DNAH11: variants seen among roughly 807,000 people sequenced by gnomAD.
DNAH11 encodes the protein dynein axonemal heavy chain 11.
In DNAH11, 442 loss-of-function variants were observed where a neutral mutation model predicts 526.0. That is an observed-to-expected ratio of 0.84 (90% CI 0.78 to 0.91). DNAH11 has a LOEUF of 0.91. Among genes scored for constraint, DNAH11 ranks in the 40% least tolerant of loss-of-function variants. The pLI, the probability that DNAH11 is intolerant of heterozygous loss-of-function variation, is 0.00. For missense variants in DNAH11, 6,989 were observed against 5,448.7 expected, an observed-to-expected ratio of 1.28 and a Z score of -8.90; for synonymous variants, 2,461 against 1,935.9, an observed-to-expected ratio of 1.27 and a Z score of -7.12.
chr7:21,603,607 G>C (rs147614592), intron 18 of DNAH11, among the ~76,000 whole-genome samples: 1 of 152,268 alleles, frequency 6.6e-6, no homozygotes, highest in East Asian at 1.9e-4. Context: ...TATATGAATT[G>C]TTAAATTCTA....
chr7:21,620,671 G>A (rs56289460), intron 25 of DNAH11, among the ~76,000 whole-genome samples: 2,128 of 149,436 alleles, frequency 0.014, 31 homozygotes, highest in Non-Finnish European at 0.024. Flanking sequence ...CCATTAACTC[G>A]TCATTTAGCA....
intron 76 of DNAH11, among the ~76,000 whole-genome samples, chr7:21,888,048 G>A (rs1022972003): frequency 6.6e-6 from 1 of 152,128 alleles, no homozygotes; most frequent in African/African-American, 2.4e-5. Flanking sequence ...CGGGCAATAC[G>A]GGAGACCAGA....
chr7:21,792,545 CTT>C (rs139893028), intron 61 of DNAH11, among the ~76,000 whole-genome samples: 1,614 of 152,166 alleles, frequency 0.011, 23 homozygotes, highest in African/African-American at 0.037. Context: ...TTGATGGAGA[CTT>C]TTTATTATTG....
At chr7:21,884,948 G>T (rs919610847) in intron 76 of DNAH11, among the ~76,000 whole-genome samples, 1 of 151,928 alleles carries the variant, frequency 6.6e-6, no homozygotes, top group Non-Finnish European at 1.5e-5. Flanking sequence ...GAAAAATGTG[G>T]TCAATATGTA....
chr7:21,693,290 A>C (rs1783706567), intron 35 of DNAH11, among the ~76,000 whole-genome samples: 1 of 152,236 alleles, frequency 6.6e-6, no homozygotes, highest in Admixed American at 6.5e-5. Flanking sequence ...AATGCTAAAC[A>C]GTCCTTCGGT....
intron 63 of DNAH11, among the ~76,000 whole-genome samples, chr7:21,815,436 C>G (rs1191147077): frequency 6.6e-6 from 1 of 152,136 alleles, no homozygotes; most frequent in Non-Finnish European, 1.5e-5. Context: ...GAATATTGTG[C>G]TACTTTTCCT....
chr7:21,722,515 A>G (rs1040038280), intron 44 of DNAH11, among the ~76,000 whole-genome samples: 6 of 152,206 alleles, frequency 3.9e-5, no homozygotes, highest in African/African-American at 7.2e-5. Context: ...AATGGTTGAT[A>G]TAATCTGTTG....
intron 1 of DNAH11, 30 bp from the exon 2 acceptor site, chr7:21,544,976 C>T: frequency 6.5e-7 from 1 of 1,534,904 alleles, no homozygotes; most frequent in Non-Finnish European, 8.8e-7. Flanking sequence ...AAGAAAACTA[C>T]TTGAACTAAT....
intron 18 of DNAH11, among the ~76,000 whole-genome samples, chr7:21,604,382 A>C (rs1454572716): frequency 6.6e-6 from 1 of 152,082 alleles, no homozygotes; most frequent in Non-Finnish European, 1.5e-5. Flanking sequence ...CCCCACCCAC[A>C]ATATACTCTG....
chr7:21,619,184 A>G lies in DNAH11; in HGVS notation c.4339A>G (p.Ile1447Val), dbSNP rs1785923353. The G allele has an allele frequency of 1.9e-6, 3 of 1,613,482 alleles. No individual in the cohort carries two copies. Among genetic ancestry groups the G allele is most frequent in the Non-Finnish European group, 2.5e-6 (3 of 1,179,644 alleles). ...LHRVEDDVRRIVDKAVKELGT... is the reference protein window; with the variant it reads ...LHRVEDDVRRVVDKAVKELGT... ...CAGAGTGGAAGATGATGTCCGAAGG[A>G]TTGTGGACAAGGCGGTGAAAGAGCT... The change falls in exon 24 of 82, where the codon ATT becomes GTT. Residue 1447 changes from isoleucine to valine, a missense_variant. By Grantham distance (29) the Ile-to-Val change is conservative (BLOSUM62 3). Coordinates refer to ENST00000409508, the MANE Select transcript of DNAH11 (RefSeq NM_001277115.2).
chr7:21,749,593 C>T, intron 52 of DNAH11, 85 bp from the exon 53 acceptor site: 1 of 1,544,340 alleles, frequency 6.5e-7, no homozygotes, highest in Non-Finnish European at 8.8e-7. Flanking sequence ...GATACAGTTA[C>T]TGAGTTCTCC....
At chr7:21,704,337 C>A in intron 37 of DNAH11, 97 bp from the exon 38 acceptor site, 1 of 1,219,156 alleles carries the variant, frequency 8.2e-7, no homozygotes, top group Non-Finnish European at 1.1e-6. Context: ...ATATCTCATG[C>A]TTCACATATG....
chr7:21,620,049 C>A lies in DNAH11; in HGVS notation c.4471C>A (p.Gln1491Lys). The change falls in exon 25 of 82, where the codon CAA (glutamine) becomes AAA (lysine). Residue 1491 changes from glutamine to lysine, a missense_variant. Transcript: ENST00000409508. ...TGIPLLKSDEQLFETLEHNQV... is the reference protein window; with the variant it reads ...TGIPLLKSDEKLFETLEHNQV... ...CATTCCATTACTAAAGTCTGATGAA[C>A]AACTTTTTGAAACTCTAGAGCACAA... The A allele has an allele frequency of 6.2e-7, 1 of 1,602,072 alleles. No homozygotes were observed. Among genetic ancestry groups the A allele is most frequent in the Admixed American group, 1.7e-5 (1 of 57,646 alleles).
intron 37 of DNAH11, 98 bp from the exon 38 acceptor site, chr7:21,704,336 G>T (rs1427199667): frequency 1.7e-6 from 2 of 1,205,836 alleles, no homozygotes; most frequent in Non-Finnish European, 2.3e-6. Flanking sequence ...AATATCTCAT[G>T]CTTCACATAT....
chr7:21,894,150 A>G (rs1374283543), intron 77 of DNAH11, among the ~76,000 whole-genome samples: 1 of 152,138 alleles, frequency 6.6e-6, no homozygotes, highest in Non-Finnish European at 1.5e-5. Context: ...TGGCCTCCCA[A>G]AGTGCTGGGA....
At chr7:21,753,109 C>A (rs1478984235) in intron 54 of DNAH11, among the ~76,000 whole-genome samples, 1 of 152,102 alleles carries the variant, frequency 6.6e-6, no homozygotes, top group Non-Finnish European at 1.5e-5. Context: ...TCAGTATTAC[C>A]CTTAGAGGCC....
At chr7:21,839,450 C>CT (rs746259477) in intron 65 of DNAH11, among the ~76,000 whole-genome samples, 1 of 151,796 alleles carries the variant, frequency 6.6e-6, no homozygotes, top group Non-Finnish European at 1.5e-5. Context: ...TGGTGGGCGC[C>CT]TGTAGTCCCA....
intron 65 of DNAH11, among the ~76,000 whole-genome samples, chr7:21,825,767 G>A (rs970796445): frequency 4.6e-5 from 7 of 152,090 alleles, no homozygotes; most frequent in East Asian, 1.9e-4. Context: ...AGACCAACCT[G>A]GCGAACACGG....
intron 9 of DNAH11, among the ~76,000 whole-genome samples, chr7:21,587,154 A>G (rs1297587937): frequency 6.6e-6 from 1 of 152,240 alleles, no homozygotes; most frequent in Non-Finnish European, 1.5e-5. Flanking sequence ...TAGCACACAG[A>G]AGAATCCACA....
Sources: gnomAD v4.1 joint callset for allele counts (sites outside exome capture counted in the v4.1 genomes callset) on GRCh38, gnomAD v4.1.1 for gene constraint, MANE v1.5 for transcripts, NCBI Gene and HGNC (gene_info 2026-07-23, HGNC 2026-07-21) for gene names.